LRP1B: variants seen among roughly 807,000 people sequenced by gnomAD.
LRP1B encodes the protein LDL receptor related protein 1B, also known as low-density lipoprotein receptor-related protein 1B.
Under a neutral mutation model 556.6 loss-of-function variants are expected in LRP1B, and 217 were observed. That is an observed-to-expected ratio of 0.39 (90% CI 0.35 to 0.44). The LOEUF is 0.44. LRP1B is among the 20% of genes least tolerant of loss of function. The pLI is 1.00. For synonymous variants in LRP1B, 2,047 were observed against 1,865.8 expected (o/e 1.10, Z -2.50); for missense variants, 5,053 against 5,620.8 (o/e 0.90, Z 3.23).
At chr2:140,758,346 G>A (rs1313221119) in intron 35 of LRP1B, among the ~76,000 whole-genome samples, 1 of 151,906 alleles carries the variant, frequency 6.6e-6, no homozygotes, top group African/African-American at 2.4e-5. Context: ...TTAAAAAATA[G>A]CATGAATATT....
chr2:140,360,546 C>T (rs936066809), intron 72 of LRP1B, among the ~76,000 whole-genome samples: 2 of 151,538 alleles, frequency 1.3e-5, no homozygotes, highest in African/African-American at 4.8e-5. Context: ...CACGCTGCTG[C>T]TATTTTCTAA....
In LRP1B at chr2:142,018,596, AATTTT is replaced by A. The variant is rs544984094; in HGVS notation, c.82+112047_82+112051del. 1.7e-4 allele frequency among the ~76,000 whole-genome samples: 26 copies of A among 152,186 alleles called. No homozygotes were observed. In the South Asian group the frequency reaches 5.2e-3, roughly 30 times the overall value. The stretch of plus-strand genomic sequence containing the variant: ...TTACCATAGCTTTCTGTTTTTGCCT[AATTTT>A]ATTTAATTTTCATTGAAAACAATAC... On this transcript the variant is annotated intron_variant, in intron 1 of 90. Coordinates refer to ENST00000389484, the MANE Select transcript of LRP1B (RefSeq NM_018557.3).
intron 43 of LRP1B, among the ~76,000 whole-genome samples, chr2:140,542,894 G>T (rs1417621812): frequency 6.6e-6 from 1 of 152,116 alleles, no homozygotes; most frequent in Non-Finnish European, 1.5e-5. Context: ...CCTCCAGGCT[G>T]GTGAAAGAAC....
intron 3 of LRP1B, among the ~76,000 whole-genome samples, chr2:141,326,973 A>C (rs1687452698): frequency 6.6e-6 from 1 of 152,182 alleles, no homozygotes; most frequent in Non-Finnish European, 1.5e-5. Context: ...AACCTATTGC[A>C]TCAATCTAGC....
intron 1 of LRP1B, among the ~76,000 whole-genome samples, chr2:141,948,933 G>GA (rs1701030956): frequency 6.6e-6 from 1 of 151,826 alleles, no homozygotes; most frequent in Non-Finnish European, 1.5e-5. Context: ...TTGATAATTG[G>GA]AAAAAATAAA....
At chr2:140,652,289 A>G (rs2105323046) in intron 41 of LRP1B, among the ~76,000 whole-genome samples, 1 of 152,158 alleles carries the variant, frequency 6.6e-6, no homozygotes, top group Admixed American at 6.5e-5. Flanking sequence ...ACAGAGATAA[A>G]TATTTAAGTG....
intron 41 of LRP1B, among the ~76,000 whole-genome samples, chr2:140,622,815 G>A (rs1683502302): frequency 6.6e-6 from 1 of 152,142 alleles, no homozygotes; most frequent in East Asian, 1.9e-4. Context: ...GTATTTGATC[G>A]TGGCCCTAAA....
chr2:142,032,794 C>T (rs1449588751), intron 1 of LRP1B, among the ~76,000 whole-genome samples: 2 of 151,788 alleles, frequency 1.3e-5, no homozygotes, highest in East Asian at 3.9e-4. Flanking sequence ...ATGGGTAAGA[C>T]ACAGGCTTCA....
At chr2:140,454,403 G>A (rs561907284) in intron 62 of LRP1B, among the ~76,000 whole-genome samples, 7 of 152,138 alleles carry the variant, frequency 4.6e-5, no homozygotes, top group East Asian at 1.9e-4. Context: ...CACCTGCCTC[G>A]TTCTCCCAAA....
intron 1 of LRP1B, among the ~76,000 whole-genome samples, chr2:141,912,204 T>G (rs1279483951): frequency 6.6e-6 from 1 of 152,130 alleles, no homozygotes; most frequent in Non-Finnish European, 1.5e-5. Flanking sequence ...CTTTTCAGAG[T>G]GCTGCCAAAG....
At chr2:141,302,511 A>G (rs1686433940) in intron 3 of LRP1B, among the ~76,000 whole-genome samples, 1 of 152,084 alleles carries the variant, frequency 6.6e-6, no homozygotes, top group African/African-American at 2.4e-5. Flanking sequence ...GTTATTGGAT[A>G]GCAGTCTCCT....
At chr2:140,651,343 G>T (rs1271148702) in intron 41 of LRP1B, among the ~76,000 whole-genome samples, 2 of 107,700 alleles carry the variant, frequency 1.9e-5, no homozygotes, top group Admixed American at 2.4e-4. Context: ...CACACTCTGG[G>T]GACTGTTGTG....
chr2:141,144,182 T>C (rs1429779065), intron 7 of LRP1B, among the ~76,000 whole-genome samples: 1 of 152,178 alleles, frequency 6.6e-6, no homozygotes, highest in African/African-American at 2.4e-5. Context: ...AATTCAACCT[T>C]ACCTTAGAGT....
At chr2:141,904,126 A>G (rs1670925252) in intron 1 of LRP1B, among the ~76,000 whole-genome samples, 1 of 151,994 alleles carries the variant, frequency 6.6e-6, no homozygotes, top group Non-Finnish European at 1.5e-5. Context: ...GATTTTAAGC[A>G]GAGAAACAAA....
intron 2 of LRP1B, among the ~76,000 whole-genome samples, chr2:141,505,594 A>G (rs1372564749): frequency 3.3e-5 from 5 of 152,108 alleles, no homozygotes; most frequent in Admixed American, 2.6e-4. Flanking sequence ...TATTCAACAT[A>G]TACCTGTTAC....
At chr2:141,349,738 A>T (rs2714213) in intron 3 of LRP1B, among the ~76,000 whole-genome samples, 84,940 of 151,406 alleles carry the variant, frequency 0.56, 24,499 homozygotes, top group Middle Eastern at 0.61. Context: ...AAAATATAAC[A>T]TTCTGGGACA....
intron 35 of LRP1B, among the ~76,000 whole-genome samples, chr2:140,741,628 G>A (rs186562283): frequency 4.6e-5 from 7 of 152,116 alleles, no homozygotes; most frequent in South Asian, 2.1e-4. Context: ...AATTCTCACC[G>A]TCCTACCACT....
chr2:140,912,031 T>C (rs1299051945), intron 21 of LRP1B, among the ~76,000 whole-genome samples: 4 of 151,782 alleles, frequency 2.6e-5, no homozygotes, highest in Non-Finnish European at 5.9e-5. Flanking sequence ...TAAATATGAA[T>C]ACATAGATTA....
At chr2:141,023,870 T>G (rs1161845074) in intron 11 of LRP1B, among the ~76,000 whole-genome samples, 2 of 152,042 alleles carry the variant, frequency 1.3e-5, no homozygotes, top group Non-Finnish European at 2.9e-5. Flanking sequence ...TCCAGTGTTA[T>G]CTATCCTTAG....
Sources: allele counts gnomAD v4.1 joint callset (sites outside exome capture counted in the v4.1 genomes callset), GRCh38; gene constraint gnomAD v4.1.1; transcripts MANE v1.5; gene names NCBI Gene and HGNC (gene_info 2026-07-23, HGNC 2026-07-21).